ADGRL2: variants seen among roughly 807,000 people sequenced by gnomAD.
ADGRL2 encodes calcium-independent alpha-latrotoxin receptor 2.
A neutral mutation model predicts 157.4 loss-of-function variants in ADGRL2; 44 were observed. The observed-to-expected ratio is 0.28, with a 90% confidence interval of 0.22 to 0.36. ADGRL2 has a LOEUF of 0.36. Among genes scored for constraint, ADGRL2 ranks in the 10% least tolerant of loss-of-function variants. The probability of loss-of-function intolerance (pLI) is 1.00; values close to 1 mark genes in which losing one functional copy is unlikely to be tolerated. For synonymous variants in ADGRL2, 585 were observed against 624.7 expected, an observed-to-expected ratio of 0.94 and a Z score of 0.95; for missense variants, 1,510 against 1,768.9, an observed-to-expected ratio of 0.85 and a Z score of 2.63.
chr1:81,731,925 A>G (rs2084739449), intron 1 of ADGRL2, among the ~76,000 whole-genome samples: 1 of 152,172 alleles, frequency 6.6e-6, no homozygotes, highest in South Asian at 2.1e-4. Flanking sequence ...GACCAAGACA[A>G]TCTGTTCAAG....
At chr1:81,946,560 ATAT>A (rs752718305) in intron 6 of ADGRL2, among the ~76,000 whole-genome samples, 9 of 152,222 alleles carry the variant, frequency 5.9e-5, no homozygotes, top group Non-Finnish European at 8.8e-5. Context: ...GATATCCCAA[ATAT>A]TATAAAGAAA....
At chr1:81,800,667 C>T (rs910239149), upstream of ADGRL2, among the ~76,000 whole-genome samples, 1 of 151,958 alleles carries the variant, frequency 6.6e-6, no homozygotes, top group Non-Finnish European at 1.5e-5. Flanking sequence ...TACTCTTCAC[C>T]CACTCCAGAA....
chr1:81,674,185 GC>G (rs1486689587), intron 3 of ADGRL2, among the ~76,000 whole-genome samples: 1 of 151,264 alleles, frequency 6.6e-6, no homozygotes, highest in African/African-American at 2.4e-5. Flanking sequence ...TACCTTTTTT[GC>G]CTTGAAACAT....
At chr1:81,537,965 G>T (rs2079784986) in intron 2 of ADGRL2, among the ~76,000 whole-genome samples, 1 of 152,130 alleles carries the variant, frequency 6.6e-6, no homozygotes. Flanking sequence ...CTTCCAAAGT[G>T]CTGGGATTAC....
At position 81,912,454 on chromosome 1, in the gene ADGRL2, G is replaced by A. The variant is rs146804750; in HGVS notation, c.287+5224G>A. Among the ~76,000 whole-genome samples, 392 of 152,244 alleles carry A rather than the reference G, an allele frequency of 2.6e-3. 2 individuals carry two copies. Among genetic ancestry groups the A allele is most frequent in the African/African-American group, 8.9e-3 (371 of 41,548 alleles). On this transcript the variant is annotated intron_variant, in intron 3 of 23. Transcript: ENST00000686636. ...ATTCCTTGAAGTTTATTTCAGAACT[G>A]GGTGGCATGTAAATAAATAGTGCAG...
intron 1 of ADGRL2, among the ~76,000 whole-genome samples, chr1:81,371,963 T>C: frequency 6.6e-6 from 1 of 152,136 alleles, no homozygotes; most frequent in African/African-American, 2.4e-5. Context: ...CACAGGTCTG[T>C]TGTAGGTACA....
chr1:81,855,392 G>T (rs1234349412), intron 2 of ADGRL2, among the ~76,000 whole-genome samples: 1 of 152,162 alleles, frequency 6.6e-6, no homozygotes, highest in African/African-American at 2.4e-5. Context: ...AGTGAGCCAT[G>T]ATAGTGCCAT....
At chr1:81,493,660 G>A (rs2078677596) in intron 2 of ADGRL2, among the ~76,000 whole-genome samples, 3 of 152,110 alleles carry the variant, frequency 2.0e-5, no homozygotes, top group Admixed American at 2.0e-4. Context: ...TCTTGGCTTT[G>A]TCACTCAGCC....
rs118051776 is a variant in ADGRL2 at position 81,601,570 on chromosome 1, C to T, written c.-143+20590C>T. On this transcript the variant is annotated intron_variant, in intron 3 of 24. Coordinates refer to the ADGRL2 transcript ENST00000370721. ...TTGTGGAAAGATAGCCTGACTCAAGCAATTTTATTTCTGCCCAGGATTATG... is the reference window on the plus strand; with the variant it reads ...TTGTGGAAAGATAGCCTGACTCAAGTAATTTTATTTCTGCCCAGGATTATG... Among the ~76,000 whole-genome samples, 246 of 152,206 alleles carry T rather than the reference C, an allele frequency of 1.6e-3. 10 individuals carry two copies. In the East Asian group the frequency reaches 0.043, roughly 26 times the overall value.
At chr1:81,312,141 C>T (rs771365213) in intron 1 of ADGRL2, among the ~76,000 whole-genome samples, 8 of 152,098 alleles carry the variant, frequency 5.3e-5, no homozygotes, top group Non-Finnish European at 7.4e-5. Flanking sequence ...TCCTAAGCAA[C>T]GATGGAAGCA....
intron 2 of ADGRL2, among the ~76,000 whole-genome samples, chr1:81,904,761 G>A (rs534464693): frequency 6.6e-6 from 1 of 152,216 alleles, no homozygotes; most frequent in South Asian, 2.1e-4. Flanking sequence ...TACAAAATTA[G>A]TCTGGCGTGA....
chr1:81,906,357 C>T (rs971700245), intron 2 of ADGRL2, among the ~76,000 whole-genome samples: 6 of 152,142 alleles, frequency 3.9e-5, no homozygotes, highest in African/African-American at 1.2e-4. Context: ...AATATACTTA[C>T]ATCTCAGAAA....
chr1:81,778,574 T>C (rs551971713), intron 2 of ADGRL2, among the ~76,000 whole-genome samples: 1 of 152,250 alleles, frequency 6.6e-6, no homozygotes, highest in African/African-American at 2.4e-5. Flanking sequence ...TTATAATAAA[T>C]ATTATATAAG....
chr1:81,832,337 G>GTTTCA (rs1242619583), intron 1 of ADGRL2, among the ~76,000 whole-genome samples: 1 of 152,102 alleles, frequency 6.6e-6, no homozygotes, highest in Non-Finnish European at 1.5e-5. Context: ...TAGAGACGGG[G>GTTTCA]TTTCACCATG....
chr1:81,874,670 C>A (rs1169134742), intron 2 of ADGRL2, among the ~76,000 whole-genome samples: 1 of 147,220 alleles, frequency 6.8e-6, no homozygotes, highest in African/African-American at 2.5e-5. Flanking sequence ...CTGTCCTGTC[C>A]TGTCATGTCT....
chr1:81,612,290 G>A (rs72716653), intron 3 of ADGRL2, among the ~76,000 whole-genome samples: 37 of 152,242 alleles, frequency 2.4e-4, no homozygotes, highest in Non-Finnish European at 4.7e-4. Flanking sequence ...AGCACAACTA[G>A]ATTGAAAGCT....
chr1:81,713,341 T>G (rs1029020897), intron 1 of ADGRL2, among the ~76,000 whole-genome samples: 1 of 152,130 alleles, frequency 6.6e-6, no homozygotes, highest in Non-Finnish European at 1.5e-5. Context: ...CAGTCTAAAA[T>G]TGCTCCTAAT....
At chr1:81,572,396 A>G (rs1008424968) in intron 2 of ADGRL2, among the ~76,000 whole-genome samples, 18 of 152,252 alleles carry the variant, frequency 1.2e-4, no homozygotes, top group Non-Finnish European at 1.5e-4. Flanking sequence ...CAAAGATACA[A>G]TGGAAAACAA....
chr1:81,553,497 A>G (rs547544939), intron 2 of ADGRL2, among the ~76,000 whole-genome samples: 1 of 152,170 alleles, frequency 6.6e-6, no homozygotes, highest in East Asian at 1.9e-4. Context: ...GCAAATTGAC[A>G]TTTGTAGTAT....
Sources: allele counts gnomAD v4.1 joint callset (sites outside exome capture counted in the v4.1 genomes callset), GRCh38; gene constraint gnomAD v4.1.1; transcripts MANE v1.5; gene names NCBI Gene and HGNC (gene_info 2026-07-23, HGNC 2026-07-21).